Variants in CRTAC1 observed in about 807,000 individuals in gnomAD.
The protein encoded by CRTAC1 is acidic secreted protein in cartilage.
CRTAC1 carries 37 observed loss-of-function variants against 67.8 expected under a neutral mutation model. The ratio of observed to expected loss-of-function variants is 0.55; its 90% CI spans 0.42 to 0.72. CRTAC1 has a LOEUF of 0.72. Ranked by LOEUF, CRTAC1 falls within the 30% of genes least tolerant of loss-of-function variation. The probability of loss-of-function intolerance (pLI) is 0.00; values close to 1 mark genes in which losing one functional copy is unlikely to be tolerated. For synonymous variants in CRTAC1, 348 were observed against 371.0 expected (o/e 0.94, Z 0.71); for missense variants, 780 against 931.6 (o/e 0.84, Z 2.12).
chr10:98,000,719 CACCTTCAATAAAAAAGATTTTCA>C (rs1238846061), intron 2 of CRTAC1, among the ~76,000 whole-genome samples: 1 of 152,188 alleles, frequency 6.6e-6, no homozygotes, highest in Non-Finnish European at 1.5e-5. Context: ...GAAACGCTGC[CACCTTCAATAAAAAAGATTTTCA>C]ACCAATCAAA....
intron 13 of CRTAC1, among the ~76,000 whole-genome samples, chr10:97,882,094 T>C (rs372210192): frequency 6.6e-6 from 1 of 152,220 alleles, no homozygotes; most frequent in African/African-American, 2.4e-5. Context: ...AAAGGGTTAA[T>C]GAGCAGCTGC....
intron 2 of CRTAC1, among the ~76,000 whole-genome samples, chr10:97,953,553 T>C (rs777401664): frequency 6.6e-6 from 1 of 152,150 alleles, no homozygotes; most frequent in Admixed American, 6.5e-5. Context: ...AACACAGAAC[T>C]AAAGAGGGAC....
chr10:97,966,066 A>C (rs1393942204), intron 2 of CRTAC1, among the ~76,000 whole-genome samples: 1 of 152,198 alleles, frequency 6.6e-6, no homozygotes, highest in Non-Finnish European at 1.5e-5. Context: ...AGGCCACTAC[A>C]TAGGTAGGGA....
intron 2 of CRTAC1, among the ~76,000 whole-genome samples, chr10:98,007,142 T>A (rs1590286171): frequency 1.3e-5 from 2 of 152,174 alleles, no homozygotes; most frequent in South Asian, 4.1e-4. Flanking sequence ...AACTCTAATA[T>A]GTGGGATTCA....
chr10:97,891,533 C>A (rs969666454), intron 11 of CRTAC1, among the ~76,000 whole-genome samples: 1 of 152,268 alleles, frequency 6.6e-6, no homozygotes, highest in African/African-American at 2.4e-5. Flanking sequence ...GCGGTGTGTC[C>A]AGATCTGCCT....
At chr10:97,983,717 G>A (rs2051934719) in intron 2 of CRTAC1, among the ~76,000 whole-genome samples, 1 of 152,220 alleles carries the variant, frequency 6.6e-6, no homozygotes, top group Admixed American at 6.5e-5. Flanking sequence ...TGGCATAGTG[G>A]TAGAAGACAG....
At chr10:97,974,248 C>G (rs1409901919) in intron 2 of CRTAC1, among the ~76,000 whole-genome samples, 2 of 152,090 alleles carry the variant, frequency 1.3e-5, no homozygotes, top group African/African-American at 4.8e-5. Context: ...AAGCGCCTGT[C>G]GGTGTGTAGT....
At chr10:97,868,504 A>C (rs2050053418) in intron 14 of CRTAC1, 1 of 152,268 alleles carries the variant, frequency 6.6e-6, no homozygotes, top group Non-Finnish European at 1.5e-5. Context: ...CAACGGCTCC[A>C]GCCTCTTAGG....
In CRTAC1 at chr10:98,002,095, G is replaced by A. The variant is rs139465040; in HGVS notation, c.224+9043C>T. On this transcript the variant is annotated intron_variant, in intron 2 of 14. Transcript: ENST00000370597. Reference sequence around the variant, plus strand: ...CTCTGCAGCCTGCAGTAGGGCCCGCGGGACTAAGAAGGTCCTTCAGCCAGC... The same window carrying A: ...CTCTGCAGCCTGCAGTAGGGCCCGCAGGACTAAGAAGGTCCTTCAGCCAGC... Among the ~76,000 whole-genome samples the A allele has an allele frequency of 1.1e-3, 166 of 152,220 alleles. 1 individual carries two copies. The highest frequency in any genetic ancestry group is 3.5e-3 in the African/African-American group (147 of 41,534).
intron 11 of CRTAC1, among the ~76,000 whole-genome samples, chr10:97,887,283 C>G (rs184782288): frequency 2.7e-5 from 4 of 148,862 alleles, no homozygotes; most frequent in Admixed American, 2.0e-4. Flanking sequence ...CTCTTGTTGC[C>G]CAGGCTGGAG....
At chr10:98,026,822 T>C (rs1053254206) in intron 1 of CRTAC1, among the ~76,000 whole-genome samples, 3 of 152,184 alleles carry the variant, frequency 2.0e-5, no homozygotes, top group African/African-American at 4.8e-5. Context: ...CCGAGTCTGC[T>C]GAGGCTCCAA....
intron 4 of CRTAC1, among the ~76,000 whole-genome samples, chr10:97,921,980 C>A (rs115164061): frequency 6.6e-6 from 1 of 151,570 alleles, no homozygotes; most frequent in Non-Finnish European, 1.5e-5. Flanking sequence ...CTTGTTAGGA[C>A]AGAGTGCATC....
At chr10:97,964,210 A>G (rs1294664400) in intron 2 of CRTAC1, among the ~76,000 whole-genome samples, 1 of 152,204 alleles carries the variant, frequency 6.6e-6, no homozygotes, top group Non-Finnish European at 1.5e-5. Context: ...GGGGCCTAAA[A>G]GCCCTAAGAT....
intron 14 of CRTAC1, 58 bp downstream of exon 14, chr10:97,880,191 C>T (rs2050193253): frequency 1.9e-6 from 3 of 1,584,182 alleles, no homozygotes. Flanking sequence ...CTACCCAGAG[C>T]TCCCCAGTGG....
At chr10:98,022,425 A>G (rs1238587349) in intron 1 of CRTAC1, among the ~76,000 whole-genome samples, 1 of 152,162 alleles carries the variant, frequency 6.6e-6, no homozygotes, top group Admixed American at 6.5e-5. Context: ...AAGCCTCGAC[A>G]CAAGCCATAG....
chr10:97,970,795 T>G (rs1336636442), intron 2 of CRTAC1, among the ~76,000 whole-genome samples: 1 of 152,358 alleles, frequency 6.6e-6, no homozygotes, highest in East Asian at 1.9e-4. Flanking sequence ...GTCTCTCCAA[T>G]GCCTAGATAG....
chr10:97,906,263 T>A (rs2050610643), intron 6 of CRTAC1, among the ~76,000 whole-genome samples: 2 of 152,124 alleles, frequency 1.3e-5, no homozygotes, highest in Non-Finnish European at 2.9e-5. Context: ...AATACTCCAT[T>A]AATTCTCTGC....
At chr10:97,893,707 G>A (rs1222098771) in intron 11 of CRTAC1, among the ~76,000 whole-genome samples, 1 of 152,116 alleles carries the variant, frequency 6.6e-6, no homozygotes, top group East Asian at 1.9e-4. Context: ...GCACCACAAA[G>A]ACCCTCTCGG....
chr10:98,021,698 G>T (rs551235876), intron 1 of CRTAC1, among the ~76,000 whole-genome samples: 2 of 152,348 alleles, frequency 1.3e-5, no homozygotes, highest in Middle Eastern at 6.8e-3. Flanking sequence ...AGTAATAAAT[G>T]TTTGTGAGAT....
Sources: allele counts gnomAD v4.1 joint callset (sites outside exome capture counted in the v4.1 genomes callset), GRCh38; gene constraint gnomAD v4.1.1; transcripts MANE v1.5; gene names NCBI Gene and HGNC (gene_info 2026-07-23, HGNC 2026-07-21).